MGAT4D: variants seen among roughly 807,000 people sequenced by gnomAD.
MGAT4D encodes alpha-1,3-mannosyl-glycoprotein 4-beta-N-acetylglucosaminyltransferase-like protein MGAT4D.
In MGAT4D, 34 loss-of-function variants were observed where a neutral mutation model predicts 15.9. That is an observed-to-expected ratio of 2.14 (90% CI 1.62 to 2.84). The LOEUF is 2.84. MGAT4D is among the 30% of genes most tolerant of loss of function. The pLI, the probability that MGAT4D is intolerant of heterozygous loss-of-function variation, is 0.00. For synonymous variants in MGAT4D, 112 were observed against 48.2 expected, an observed-to-expected ratio of 2.33 and a Z score of -5.49; for missense variants, 327 against 140.2, an observed-to-expected ratio of 2.33 and a Z score of -6.73.
intron 6 of MGAT4D, among the ~76,000 whole-genome samples, chr4:140,464,281 A>G (rs1430650486): frequency 6.6e-6 from 1 of 152,148 alleles, no homozygotes; most frequent in Non-Finnish European, 1.5e-5. Context: ...AAATTATTAC[A>G]TTTCCCATAA....
intron 6 of MGAT4D, among the ~76,000 whole-genome samples, chr4:140,463,688 A>T (rs1163795276): frequency 6.6e-6 from 1 of 152,234 alleles, no homozygotes; most frequent in Non-Finnish European, 1.5e-5. Flanking sequence ...ACGTGAAGAT[A>T]TCAACAATGT....
chr4:140,450,264 C>A, intron 10 of MGAT4D: 1 of 231,690 alleles, frequency 4.3e-6, no homozygotes, highest in South Asian at 1.7e-4. Flanking sequence ...TTTATGTCTA[C>A]ATTTACTTAA....
At chr4:140,485,054 T>C (rs1054288997) in intron 1 of MGAT4D, among the ~76,000 whole-genome samples, 1 of 152,208 alleles carries the variant, frequency 6.6e-6, no homozygotes, top group African/African-American at 2.4e-5. Context: ...TTACTGGGTA[T>C]ATACCCAAAG....
intron 2 of MGAT4D, among the ~76,000 whole-genome samples, chr4:140,480,808 C>T (rs954596317): frequency 2.0e-5 from 3 of 151,444 alleles, no homozygotes; most frequent in East Asian, 1.9e-4. Context: ...TAGTGGCATG[C>T]GCCTGGAGTC....
At chr4:140,490,313 T>C (rs1409612096) in intron 1 of MGAT4D, among the ~76,000 whole-genome samples, 1 of 152,186 alleles carries the variant, frequency 6.6e-6, no homozygotes, top group South Asian at 2.1e-4. Flanking sequence ...AAAATTGCAA[T>C]TCATATAGCC....
chr4:140,457,604 G>A (rs1448433555), intron 8 of MGAT4D: 1 of 152,026 alleles, frequency 6.6e-6, no homozygotes, highest in East Asian at 1.9e-4. Flanking sequence ...ATGAATAACC[G>A]AATTGCTATT....
Position 140,461,696 on chromosome 4 carries a change from G to T in MGAT4D, c.762+233C>A, listed in dbSNP as rs1477759668. Among the ~76,000 whole-genome samples, 5 of 151,902 alleles carry T rather than the reference G, an allele frequency of 3.3e-5. No individual in the cohort carries two copies. In the East Asian group the frequency reaches 9.6e-4, roughly 29 times the overall value. On this transcript the variant is annotated intron_variant, in intron 7 of 10. Coordinates refer to ENST00000511113, the MANE Select transcript of MGAT4D (RefSeq NM_001277353.2). ...AATTTTCTCTGTAACAGTGAACCTA[G>T]TAAGAATATTCATATATAATCAATT...
chr4:140,469,954 G>A (rs958633608), intron 5 of MGAT4D, among the ~76,000 whole-genome samples: 1 of 152,230 alleles, frequency 6.6e-6, no homozygotes, highest in Non-Finnish European at 1.5e-5. Context: ...TGCTAGCGGG[G>A]TACCGGTTGG....
At chr4:140,465,837 G>A (rs188625765) in intron 5 of MGAT4D, among the ~76,000 whole-genome samples, 11 of 152,268 alleles carry the variant, frequency 7.2e-5, no homozygotes, top group Admixed American at 7.2e-4. Context: ...TTCAGTTACT[G>A]TGTTTTAGTT....
At chr4:140,466,795 G>C (rs1368287942) in intron 5 of MGAT4D, among the ~76,000 whole-genome samples, 1 of 151,994 alleles carries the variant, frequency 6.6e-6, no homozygotes, top group African/African-American at 2.4e-5. Context: ...GATTGCCTGA[G>C]TATATATAAA....
At chr4:140,468,894 T>C (rs1731725834) in intron 5 of MGAT4D, among the ~76,000 whole-genome samples, 1 of 152,068 alleles carries the variant, frequency 6.6e-6, no homozygotes, top group Non-Finnish European at 1.5e-5. Flanking sequence ...TACACTGTCT[T>C]TCCCCCAACA....
intron 5 of MGAT4D, among the ~76,000 whole-genome samples, 176 bp from the exon 6 acceptor site, chr4:140,465,185 A>G (rs1364955310): frequency 1.3e-5 from 2 of 152,220 alleles, no homozygotes; most frequent in African/African-American, 4.8e-5. Flanking sequence ...TTTATAAATT[A>G]ATAACAGACA....
intron 1 of MGAT4D, among the ~76,000 whole-genome samples, chr4:140,487,540 TATTTTA>T (rs1733223242): frequency 6.6e-6 from 1 of 152,212 alleles, no homozygotes; most frequent in Non-Finnish European, 1.5e-5. Context: ...TTAAACAATA[TATTTTA>T]TTTAATACAA....
chr4:140,456,695 A>T lies in MGAT4D; in HGVS notation c.902T>A (p.Leu301Ter). 1.4e-6 allele frequency: 1 copy of T among 693,906 alleles called. No individual in the cohort carries two copies. The highest frequency in any genetic ancestry group is 2.6e-6 in the Non-Finnish European group (1 of 380,738). 43.0% of individuals were successfully genotyped at this position (693,906 alleles called of 1,614,324 possible). Residue 301 changes from leucine (L) to a stop codon, truncating the protein, a stop_gained, in exon 9 of 11, where the codon TTA becomes TAA. Coordinates refer to ENST00000511113, the MANE Select transcript of MGAT4D (RefSeq NM_001277353.2). LOFTEE classifies it high-confidence loss of function. ...TAAAAAAAACCGTACAAAGTGAGTT[A>T]AGTCCTCAGATCTAAACAGCTTTCC... The part of the protein sequence containing the change: ...FIGKLFRSED[L>*]THFVRFFLMF...
intron 3 of MGAT4D, among the ~76,000 whole-genome samples, chr4:140,475,505 T>C (rs1302138052): frequency 1.3e-5 from 2 of 152,016 alleles, no homozygotes; most frequent in Non-Finnish European, 2.9e-5. Context: ...AGGCTACCAA[T>C]CGTAACTATA....
intron 9 of MGAT4D, among the ~76,000 whole-genome samples, chr4:140,452,779 A>G (rs1184529200): frequency 6.6e-6 from 1 of 152,152 alleles, no homozygotes; most frequent in Non-Finnish European, 1.5e-5. Context: ...CAATTTATCA[A>G]TTTTTAAAAA....
chr4:140,483,707 C>T (rs779586076), intron 1 of MGAT4D, among the ~76,000 whole-genome samples: 20 of 152,136 alleles, frequency 1.3e-4, no homozygotes, highest in Non-Finnish European at 2.2e-4. Context: ...CAGAAATTCA[C>T]GCATTTACAG....
At chr4:140,485,985 T>C (rs1374838006) in intron 1 of MGAT4D, among the ~76,000 whole-genome samples, 1 of 152,014 alleles carries the variant, frequency 6.6e-6, no homozygotes, top group Non-Finnish European at 1.5e-5. Context: ...CTCCAAAATA[T>C]TTCTCATCAC....
At chr4:140,495,685 A>G (rs1733790207) in intron 1 of MGAT4D, among the ~76,000 whole-genome samples, 1 of 152,202 alleles carries the variant, frequency 6.6e-6, no homozygotes, top group Non-Finnish European at 1.5e-5. Flanking sequence ...ATAAAAATGA[A>G]CAAAAAGGTT....
Sources: gnomAD v4.1 joint callset for allele counts (sites outside exome capture counted in the v4.1 genomes callset) on GRCh38, gnomAD v4.1.1 for gene constraint, MANE v1.5 for transcripts, NCBI Gene and HGNC (gene_info 2026-07-23, HGNC 2026-07-21) for gene names.